The following PROX2 variants were observed in gnomAD, a reference collection of about 807,000 sequenced individuals.
PROX2 encodes prospero homeobox 2.
A neutral mutation model predicts 48.9 loss-of-function variants in PROX2; 46 were observed. The ratio of observed to expected loss-of-function variants is 0.94; its 90% CI spans 0.74 to 1.20. PROX2 has a LOEUF of 1.20. Ranked by LOEUF, PROX2 falls within the 50% of genes most tolerant of loss-of-function variation. The pLI, the probability that PROX2 is intolerant of heterozygous loss-of-function variation, is 0.00. For synonymous variants in PROX2, 260 were observed against 276.6 expected, an observed-to-expected ratio of 0.94 and a Z score of 0.60; for missense variants, 663 against 719.4, an observed-to-expected ratio of 0.92 and a Z score of 0.90.
rs375952710 is a variant in PROX2 at position 74,863,028 on chromosome 14, G to A, written c.807C>T (p.Ser269=). Residue 269 remains serine, a synonymous_variant, in exon 3 of 6, where the codon AGC becomes AGT. Coordinates refer to ENST00000556489, the MANE Select transcript of PROX2 (RefSeq NM_001243007.2). ...SFQGQVAEGR[S]EPSPPVGGAC... is the part of the protein sequence containing the mutation. ...CCCCTCCCACAGGAGGTGAGGGCTC[G>A]CTTCTACCCTCTGCCACCTGCCCCT... The A allele has an allele frequency of 4.8e-5, 77 of 1,613,756 alleles. No homozygotes were observed. The highest frequency in any genetic ancestry group is 4.0e-4 in the African/African-American group (30 of 74,888).
At chr14:74,864,807 A>C (rs1284917111) in intron 2 of PROX2, among the ~76,000 whole-genome samples, 1 of 148,838 alleles carries the variant, frequency 6.7e-6, no homozygotes, top group Non-Finnish European at 1.5e-5. Context: ...GCCCCGTTGC[A>C]CTCCAGCCTG....
chr14:74,859,235 A>C (rs957103346), intron 3 of PROX2: 3 of 152,178 alleles, frequency 2.0e-5, no homozygotes, highest in African/African-American at 7.2e-5. Context: ...TTCCTTGCCA[A>C]ATTAGGCCTT....
In PROX2 at chr14:74,853,918, A is replaced by G. The variant is rs2091723331; in HGVS notation, c.*1214T>C. The G allele has an allele frequency of 6.2e-6, 1 of 161,718 alleles. No homozygotes were observed. The highest frequency in any genetic ancestry group is 1.4e-5 in the Non-Finnish European group (1 of 73,462). 10.0% of individuals were successfully genotyped at this position (161,718 alleles called of 1,614,324 possible). A position where few individuals can be genotyped will look rare whatever the true frequency, so the allele number is the denominator to read the frequency against. ...TGTGCTGGGCCAGCAGCAGGGGGAA[A>G]TGTTGATTTCATGAATTCCTTCATC... On this transcript the variant is annotated 3_prime_UTR_variant, in exon 6 of 6. Transcript: ENST00000556489.
chr14:74,861,375 T>G (rs1353757998), intron 3 of PROX2, among the ~76,000 whole-genome samples: 1 of 152,244 alleles, frequency 6.6e-6, no homozygotes, highest in East Asian at 1.9e-4. Flanking sequence ...CATATGGGTT[T>G]GGGGCTGTGT....
chr14:74,858,607 AT>A lies in PROX2; in HGVS notation c.1306-94del. ...GTTCCTGTGGTTTCTATTTGATTTC[AT>A]TTTGTTTTTCTGATTGGAATTGTGT... On this transcript the variant is annotated intron_variant, in intron 3 of 5. Transcript: ENST00000556489. 5 of 735,106 alleles carry A rather than the reference AT, an allele frequency of 6.8e-6. No individual in the cohort carries two copies. In the South Asian group the frequency reaches 9.4e-5, roughly 14 times the overall value. 45.5% of individuals were successfully genotyped at this position (735,106 alleles called of 1,614,324 possible).
In PROX2 at chr14:74,875,965, C is replaced by T. The variant is rs777208371; in HGVS notation, c.-380G>A. Among the ~76,000 whole-genome samples, 7 of 152,332 alleles carry T rather than the reference C, an allele frequency of 4.6e-5. No individual in the cohort carries two copies. The highest frequency in any genetic ancestry group is 2.1e-4 in the South Asian group (1 of 4,830). On this transcript the variant is annotated 5_prime_UTR_variant, in exon 1 of 6. Coordinates refer to ENST00000556489, the MANE Select transcript of PROX2 (RefSeq NM_001243007.2). ...AGGTGGGGCCAACCACTCTAGAAGA[C>T]GGAGCAGCCCACTCTTCACCAGCCC...
chr14:74,874,241 C>A, intron 1 of PROX2: 3 of 349,922 alleles, frequency 8.6e-6, no homozygotes, highest in South Asian at 2.3e-5. Context: ...GACCTGCCAG[C>A]ATCATACAAG....
At chr14:74,864,903 G>A (rs1288083788) in intron 2 of PROX2, among the ~76,000 whole-genome samples, 1 of 151,788 alleles carries the variant, frequency 6.6e-6, no homozygotes, top group African/African-American at 2.4e-5. Context: ...CAGCACTTTG[G>A]GAGGCCAGGG....
At chr14:74,861,120 A>G (rs983924929) in intron 3 of PROX2, 18 of 938,436 alleles carry the variant, frequency 1.9e-5, no homozygotes, top group Non-Finnish European at 2.8e-5. Flanking sequence ...TTTAGGACAC[A>G]AAGGCAGGTT....
intron 1 of PROX2, among the ~76,000 whole-genome samples, chr14:74,872,989 T>C (rs1005234343): frequency 6.7e-6 from 1 of 150,026 alleles, no homozygotes; most frequent in South Asian, 2.1e-4. Context: ...TCGTTAGCTA[T>C]TTTTTTTTTC....
chr14:74,858,718 A>G (rs2091767222), intron 3 of PROX2: 1 of 531,206 alleles, frequency 1.9e-6, no homozygotes, highest in Non-Finnish European at 3.4e-6. Flanking sequence ...GAATGTAAAA[A>G]TCATCTCGAT....
At chr14:74,874,393 C>T (rs1206645975) in intron 1 of PROX2, 3 of 219,964 alleles carry the variant, frequency 1.4e-5, no homozygotes, top group East Asian at 2.6e-4. Context: ...GCTGGGATTA[C>T]AGGCGCCCAC....
At chr14:74,875,102 G>T (rs1883308111) in intron 1 of PROX2, among the ~76,000 whole-genome samples, 1 of 151,926 alleles carries the variant, frequency 6.6e-6, no homozygotes, top group Non-Finnish European at 1.5e-5. Flanking sequence ...GCTGAGACGT[G>T]CCATTGCACT....
intron 3 of PROX2, among the ~76,000 whole-genome samples, chr14:74,859,671 G>A (rs2091780096): frequency 6.6e-6 from 1 of 152,218 alleles, no homozygotes; most frequent in Admixed American, 6.5e-5. Flanking sequence ...AGAGTAACCT[G>A]GGATCTCAGA....
intron 2 of PROX2, among the ~76,000 whole-genome samples, chr14:74,865,538 A>G (rs928816749): frequency 6.6e-6 from 1 of 152,134 alleles, no homozygotes; most frequent in Non-Finnish European, 1.5e-5. Context: ...CTTGCTTTCT[A>G]ACTAATAATA....
At chr14:74,864,560 G>A (rs527311076) in intron 2 of PROX2, among the ~76,000 whole-genome samples, 2 of 152,180 alleles carry the variant, frequency 1.3e-5, no homozygotes, top group Non-Finnish European at 2.9e-5. Flanking sequence ...TAGCAAATTC[G>A]GCAGGGTGCG....
intron 2 of PROX2, among the ~76,000 whole-genome samples, chr14:74,865,488 C>A (rs1883031838): frequency 6.6e-6 from 1 of 152,154 alleles, no homozygotes; most frequent in South Asian, 2.1e-4. Flanking sequence ...CTGTTTTATT[C>A]CCACAAAGCA....
intron 2 of PROX2, among the ~76,000 whole-genome samples, chr14:74,864,618 G>T (rs1328282085): frequency 6.6e-6 from 1 of 152,072 alleles, no homozygotes; most frequent in Non-Finnish European, 1.5e-5. Flanking sequence ...GAGGCAGGCG[G>T]ATCACCTGAG....
In PROX2 at chr14:74,863,647, G is replaced by A. The variant is rs2091819554; in HGVS notation, c.188C>T (p.Ala63Val). The change falls in exon 3 of 6, where the codon GCA (alanine) becomes GTA (valine). Residue 63 changes from alanine to valine, a missense_variant. Coordinates refer to ENST00000556489, the MANE Select transcript of PROX2 (RefSeq NM_001243007.2). Reference protein sequence around the residue: ...PEWFGDEHIQAKRARVETIVR... With the variant: ...PEWFGDEHIQVKRARVETIVR... ...AATGGTCTCCACTCTGGCCCTCTTT[G>A]CCTGGATGTGCTCATCACCAAACCA... 1 of 1,580,168 alleles carries A rather than the reference G, an allele frequency of 6.3e-7. No homozygotes were observed. The highest frequency in any genetic ancestry group is 8.6e-7 in the Non-Finnish European group (1 of 1,164,000).
Sources: allele counts gnomAD v4.1 joint callset (sites outside exome capture counted in the v4.1 genomes callset), GRCh38; gene constraint gnomAD v4.1.1; transcripts MANE v1.5; gene names NCBI Gene and HGNC (gene_info 2026-07-23, HGNC 2026-07-21).